Variants in GLT1D1 observed in about 807,000 individuals in gnomAD.
The protein encoded by GLT1D1 is glycosyltransferase 1 domain containing 1, also known as glycosyltransferase 1 domain-containing protein 1.
In GLT1D1, 21 loss-of-function variants were observed where a neutral mutation model predicts 28.7. The ratio of observed to expected loss-of-function variants is 0.73; its 90% CI spans 0.52 to 1.05. The LOEUF (loss-of-function observed/expected upper bound fraction) is 1.05, where lower values mean the gene tolerates loss of function less well. Among genes scored for constraint, GLT1D1 ranks in the 50% least tolerant of loss-of-function variants. The pLI is 0.00. For synonymous variants in GLT1D1, 147 were observed against 124.8 expected, an observed-to-expected ratio of 1.18 and a Z score of -1.19; for missense variants, 343 against 330.6, an observed-to-expected ratio of 1.04 and a Z score of -0.29.
rs1249695124 is a variant in GLT1D1 at position 128,945,359 on chromosome 12, A to G, written c.409A>G (p.Lys137Glu). ...AGTGTTTACAAGGGAAGTGAAAGCC[A>G]AAGTGAAAAGGTAAGAGTTGGTGGA... is the stretch of plus-strand genomic sequence containing the variant. Residue 137 changes from lysine (K) to glutamate (E), a missense_variant, in exon 5 of 8, where the codon AAA becomes GAA. By Grantham distance (56) the Lys-to-Glu change is moderately conservative (BLOSUM62 1). Transcript: ENST00000281703. The G allele has an allele frequency of 1.2e-6, 2 of 1,613,992 alleles. No individual in the cohort carries two copies. The highest frequency in any genetic ancestry group is 2.2e-5 in the South Asian group (2 of 91,084).
intron 7 of GLT1D1, among the ~76,000 whole-genome samples, chr12:128,961,651 G>A (rs866315115): frequency 6.6e-6 from 1 of 152,196 alleles, no homozygotes. Context: ...GGATGTCCCA[G>A]CTCAAGAAGC....
rs563879805 is a variant in GLT1D1, at chr12:128,963,583, T to C, written c.639+5940T>C. On this transcript the variant is annotated intron_variant, in intron 7 of 7. Transcript: ENST00000281703. ...ATTGCTTAAACCCGGGGGGTGGAGG[T>C]TGCAGTAAGCTGAGATTACGCCATT... Among the ~76,000 whole-genome samples the C allele has an allele frequency of 1.4e-4, 22 of 151,974 alleles. No individual in the cohort carries two copies. In the East Asian group the frequency reaches 3.9e-3, roughly 27 times the overall value.
chr12:128,949,318 C>A (rs1876452475), intron 6 of GLT1D1, among the ~76,000 whole-genome samples: 1 of 152,158 alleles, frequency 6.6e-6, no homozygotes, highest in South Asian at 2.1e-4. Context: ...ACTCTGACTG[C>A]CTTAAAATCT....
intron 4 of GLT1D1, among the ~76,000 whole-genome samples, chr12:128,943,359 T>A (rs2135485213): frequency 6.6e-6 from 1 of 152,224 alleles, no homozygotes; most frequent in South Asian, 2.1e-4. Context: ...TTCTCTCTTT[T>A]TTTTTTTTGG....
Position 128,942,731 on chromosome 12 carries a change from C to CTT in GLT1D1, c.376-2593_376-2592dup, listed in dbSNP as rs1566157133. On this transcript the variant is annotated intron_variant, in intron 4 of 7. Coordinates refer to ENST00000281703, the MANE Select transcript of GLT1D1 (RefSeq NM_144669.3). ...AGGAATCACTTTAGATTCCAATTTTCTTTGTTTGTTTGTTTTTGTTTTTTG... is the reference window on the plus strand; with the variant it reads ...AGGAATCACTTTAGATTCCAATTTTCTTTTTGTTTGTTTGTTTTTGTTTTTTG... Among the ~76,000 whole-genome samples the CTT allele has an allele frequency of 1.2e-4, 14 of 114,460 alleles. 3 individuals carry two copies. Among genetic ancestry groups the CTT allele is most frequent in the African/African-American group, 3.5e-4 (9 of 25,616 alleles). The allele number at this position is 114,460 out of a possible 152,430, so 75.1% of individuals were successfully genotyped here.
chr12:128,967,179 A>C (rs1021867778), intron 7 of GLT1D1, among the ~76,000 whole-genome samples: 1 of 150,922 alleles, frequency 6.6e-6, no homozygotes, highest in Non-Finnish European at 1.5e-5. Context: ...AATGACATTG[A>C]CCAGAGCTAG....
intron 7 of GLT1D1, among the ~76,000 whole-genome samples, chr12:128,972,454 G>A (rs1879276141): frequency 6.6e-6 from 1 of 152,230 alleles, no homozygotes; most frequent in South Asian, 2.1e-4. Context: ...CTGCTAGGGA[G>A]GCTGGGAATT....
chr12:128,873,570 G>A (rs538855845), intron 1 of GLT1D1, among the ~76,000 whole-genome samples: 14 of 152,240 alleles, frequency 9.2e-5, no homozygotes, highest in African/African-American at 3.4e-4. Flanking sequence ...CAGGGTTTGT[G>A]CATTTAAAAT....
rs917464961 is a variant in GLT1D1, at chr12:128,883,728, C to T, written c.218-4911C>T. ...AATAAGACCCTTACGTGGGTGGCTCCGAGTCAACTCACTTGGAAAATAGCT... is the reference window on the plus strand; with the variant it reads ...AATAAGACCCTTACGTGGGTGGCTCTGAGTCAACTCACTTGGAAAATAGCT... On this transcript the variant is annotated intron_variant, in intron 2 of 7. Transcript: ENST00000281703. 3.9e-5 allele frequency among the ~76,000 whole-genome samples: 6 copies of T among 152,074 alleles called. No homozygotes were observed. The East Asian group carries it at 5.8e-4, about 15-fold the overall frequency.
At chr12:128,924,263 C>A (rs1280140834) in intron 4 of GLT1D1, among the ~76,000 whole-genome samples, 1 of 151,744 alleles carries the variant, frequency 6.6e-6, no homozygotes, top group Non-Finnish European at 1.5e-5. Flanking sequence ...CCCATCTCCA[C>A]TAAAAATACA....
intron 1 of GLT1D1, among the ~76,000 whole-genome samples, chr12:128,861,538 G>T (rs949592899): frequency 6.6e-6 from 1 of 152,222 alleles, no homozygotes; most frequent in African/African-American, 2.4e-5. Context: ...CCAAGGGGCA[G>T]TTCAGTCCAG....
intron 4 of GLT1D1, chr12:128,912,459 A>G (rs1209730033): frequency 5.3e-6 from 8 of 1,509,716 alleles, no homozygotes; most frequent in Admixed American, 4.1e-5. Flanking sequence ...TCCAGAGTCA[A>G]GGTAAGATTT....
chr12:128,972,577 C>A (rs910634831), intron 7 of GLT1D1, among the ~76,000 whole-genome samples: 1 of 152,206 alleles, frequency 6.6e-6, no homozygotes, highest in African/African-American at 2.4e-5. Flanking sequence ...CAAGACCCAT[C>A]ATAAGGAAGA....
At chr12:128,899,159 G>C in intron 3 of GLT1D1, 77 bp from the exon 4 acceptor site, 1 of 1,047,172 alleles carries the variant, frequency 9.5e-7, no homozygotes, top group Non-Finnish European at 1.5e-6. Context: ...CTCATAATTT[G>C]TTCCAAAGAG....
At chr12:128,930,320 A>G (rs570460861) in intron 4 of GLT1D1, 4 of 152,376 alleles carry the variant, frequency 2.6e-5, no homozygotes, top group African/African-American at 9.6e-5. Flanking sequence ...TGAGCAGGCA[A>G]CAACAGTATC....
chr12:128,877,533 GTTCT>G (rs1349610011), intron 2 of GLT1D1, among the ~76,000 whole-genome samples: 2 of 152,078 alleles, frequency 1.3e-5, no homozygotes, highest in African/African-American at 4.8e-5. Flanking sequence ...CTTACTATGT[GTTCT>G]TTTTTATTTT....
intron 2 of GLT1D1, among the ~76,000 whole-genome samples, chr12:128,887,668 T>C (rs1868556611): frequency 1.3e-5 from 2 of 152,216 alleles, no homozygotes; most frequent in Non-Finnish European, 2.9e-5. Context: ...AGTGGAATTC[T>C]AGGGTGAGAG....
At chr12:128,937,272 G>A (rs182565878) in intron 4 of GLT1D1, among the ~76,000 whole-genome samples, 1 of 152,258 alleles carries the variant, frequency 6.6e-6, no homozygotes, top group Admixed American at 6.5e-5. Flanking sequence ...AGGATAATTC[G>A]AGCAAAAGGC....
At chr12:128,922,607 G>A (rs1872757048) in intron 4 of GLT1D1, among the ~76,000 whole-genome samples, 2 of 152,264 alleles carry the variant, frequency 1.3e-5, no homozygotes, top group African/African-American at 2.4e-5. Context: ...CATTTCTAAA[G>A]TTAGCTTCAG....
Sources: gnomAD v4.1 joint callset for allele counts (sites outside exome capture counted in the v4.1 genomes callset) on GRCh38, gnomAD v4.1.1 for gene constraint, MANE v1.5 for transcripts, NCBI Gene and HGNC (gene_info 2026-07-23, HGNC 2026-07-21) for gene names.